Variants in ZNF804B observed in about 807,000 individuals in gnomAD.
ZNF804B encodes zinc finger protein 804B.
ZNF804B carries 80 observed loss-of-function variants against 101.4 expected under a neutral mutation model. The observed-to-expected ratio is 0.79, with a 90% CI of 0.66 to 0.95. The LOEUF is 0.95. Ranked by LOEUF, ZNF804B falls within the 40% of genes least tolerant of loss-of-function variation. The pLI is 0.00. For missense variants in ZNF804B, 1,673 were observed against 1,561.9 expected (o/e 1.07, Z -1.20); for synonymous variants, 622 against 558.8 (o/e 1.11, Z -1.59).
At chr7:89,211,749 TTGTAG>T (rs1788807894) in intron 1 of ZNF804B, among the ~76,000 whole-genome samples, 1 of 152,208 alleles carries the variant, frequency 6.6e-6, no homozygotes, top group Admixed American at 6.5e-5. Flanking sequence ...TACTGTAGCC[TTGTAG>T]TATACTTTGA....
intron 2 of ZNF804B, among the ~76,000 whole-genome samples, chr7:89,233,681 C>G (rs1210367957): frequency 2.6e-5 from 4 of 151,970 alleles, no homozygotes; most frequent in African/African-American, 9.7e-5. Flanking sequence ...TCTTGTTGCC[C>G]AGGCCGGAGT....
chr7:88,885,230 C>T (rs1473945956), intron 1 of ZNF804B, among the ~76,000 whole-genome samples: 2 of 151,800 alleles, frequency 1.3e-5, no homozygotes, highest in African/African-American at 4.8e-5. Context: ...TTCCTCAGAG[C>T]AGGAATTTTT....
chr7:88,901,579 C>T (rs557416141), intron 1 of ZNF804B, among the ~76,000 whole-genome samples: 2 of 151,548 alleles, frequency 1.3e-5, no homozygotes, highest in South Asian at 4.2e-4. Context: ...TTTTTTTTCT[C>T]TGCCATCACT....
intron 2 of ZNF804B, among the ~76,000 whole-genome samples, chr7:89,223,551 A>G (rs1789036488): frequency 6.6e-6 from 1 of 151,820 alleles, no homozygotes; most frequent in Admixed American, 6.6e-5. Context: ...ATATATTTAA[A>G]TGAATTCCAT....
At chr7:89,039,229 G>A (rs1788976467) in intron 1 of ZNF804B, among the ~76,000 whole-genome samples, 1 of 151,766 alleles carries the variant, frequency 6.6e-6, no homozygotes, top group Non-Finnish European at 1.5e-5. Context: ...TTTTAATAGG[G>A]ATTTTATTGT....
At chr7:88,894,063 G>T (rs2115936646) in intron 1 of ZNF804B, among the ~76,000 whole-genome samples, 1 of 152,050 alleles carries the variant, frequency 6.6e-6, no homozygotes, top group African/African-American at 2.4e-5. Context: ...TCTCCTTTAA[G>T]TTTTCAAAAA....
intron 2 of ZNF804B, among the ~76,000 whole-genome samples, chr7:89,269,530 G>C (rs933111395): frequency 2.0e-5 from 3 of 152,156 alleles, no homozygotes; most frequent in African/African-American, 7.2e-5. Flanking sequence ...ACATATATGT[G>C]CATGTGTCTT....
At position 89,016,612 on chromosome 7, in the gene ZNF804B, T is replaced by C. The variant is rs539787387; in HGVS notation, c.109-201543T>C. On this transcript the variant is annotated intron_variant, in intron 1 of 3. Coordinates refer to ENST00000333190, the MANE Select transcript of ZNF804B (RefSeq NM_181646.5). ...AATAGGGAATCCTTTCCCCATTGCT[T>C]GTTTTTCTCAGGTTTGTCAAAGATC... Among the ~76,000 whole-genome samples the C allele has an allele frequency of 2.7e-4, 41 of 150,098 alleles. No individual in the cohort carries two copies. The East Asian group carries it at 7.4e-3, about 27-fold the overall frequency.
intron 1 of ZNF804B, among the ~76,000 whole-genome samples, chr7:89,172,916 T>A (rs1791259387): frequency 6.6e-6 from 1 of 152,128 alleles, no homozygotes; most frequent in Non-Finnish European, 1.5e-5. Flanking sequence ...TAGAGCTAAT[T>A]ATATCACAGT....
intron 1 of ZNF804B, among the ~76,000 whole-genome samples, chr7:88,962,860 A>G (rs1562845005): frequency 1.3e-5 from 2 of 150,376 alleles, no homozygotes; most frequent in African/African-American, 2.4e-5. Context: ...AAATGTGTAC[A>G]GTGCTATTAT....
At chr7:89,014,824 G>A (rs908699067) in intron 1 of ZNF804B, among the ~76,000 whole-genome samples, 4 of 151,656 alleles carry the variant, frequency 2.6e-5, no homozygotes, top group Non-Finnish European at 4.4e-5. Context: ...TCTGTTAATT[G>A]TTTGCTTTGT....
intron 1 of ZNF804B, among the ~76,000 whole-genome samples, chr7:89,044,334 C>G (rs1481172196): frequency 6.6e-6 from 1 of 152,142 alleles, no homozygotes; most frequent in African/African-American, 2.4e-5. Context: ...AATCATCTTT[C>G]CTTTATAAAT....
intron 1 of ZNF804B, among the ~76,000 whole-genome samples, chr7:88,934,414 G>A (rs1028768275): frequency 6.6e-6 from 1 of 151,786 alleles, no homozygotes; most frequent in South Asian, 2.1e-4. Flanking sequence ...TTAATAAAAT[G>A]AAAAACTTTC....
intron 1 of ZNF804B, among the ~76,000 whole-genome samples, chr7:88,910,554 A>T (rs1792533807): frequency 1.3e-5 from 2 of 151,926 alleles, no homozygotes; most frequent in African/African-American, 4.8e-5. Flanking sequence ...AGAGGGCCCC[A>T]TTCAGTGGCT....
intron 1 of ZNF804B, among the ~76,000 whole-genome samples, chr7:88,911,707 A>G (rs906644253): frequency 2.6e-5 from 4 of 151,646 alleles, no homozygotes; most frequent in Non-Finnish European, 5.9e-5. Flanking sequence ...GTTCAGTTCT[A>G]TGAGTTTTAT....
chr7:89,288,830 A>C (rs575726557), intron 2 of ZNF804B, among the ~76,000 whole-genome samples: 1 of 152,344 alleles, frequency 6.6e-6, no homozygotes, highest in Non-Finnish European at 1.5e-5. Context: ...AGAAAGGGTA[A>C]ATATATTGGT....
chr7:88,803,282 T>C (rs911710323), intron 1 of ZNF804B, among the ~76,000 whole-genome samples: 8 of 152,152 alleles, frequency 5.3e-5, no homozygotes, highest in African/African-American at 1.9e-4. Context: ...ACTTGTAGAA[T>C]GATGGATCAT....
chr7:88,969,069 G>T (rs577778211), intron 1 of ZNF804B, among the ~76,000 whole-genome samples: 57 of 151,520 alleles, frequency 3.8e-4, no homozygotes, highest in African/African-American at 1.4e-3. Context: ...CCTTTATCCA[G>T]GTTAGAAAGT....
intron 1 of ZNF804B, among the ~76,000 whole-genome samples, chr7:88,867,949 T>C (rs1297495051): frequency 6.6e-6 from 1 of 152,100 alleles, no homozygotes; most frequent in Non-Finnish European, 1.5e-5. Flanking sequence ...AATTGTTAAC[T>C]GCTGGTTATA....
Sources: allele counts gnomAD v4.1 joint callset (sites outside exome capture counted in the v4.1 genomes callset), GRCh38; gene constraint gnomAD v4.1.1; transcripts MANE v1.5; gene names NCBI Gene and HGNC (gene_info 2026-07-23, HGNC 2026-07-21).